The following PCDHA5 variants were observed in gnomAD, a reference collection of about 807,000 sequenced individuals.
PCDHA5 encodes protocadherin alpha-5.
In PCDHA5, 43 loss-of-function variants were observed where a neutral mutation model predicts 61.6. That is an observed-to-expected ratio of 0.70 (90% CI 0.55 to 0.90). The LOEUF (loss-of-function observed/expected upper bound fraction) is 0.90, where lower values mean the gene tolerates loss of function less well. Among genes scored for constraint, PCDHA5 ranks in the 40% least tolerant of loss-of-function variants. The pLI, the probability that PCDHA5 is intolerant of heterozygous loss-of-function variation, is 0.00. For missense variants in PCDHA5, 1,298 were observed against 1,222.7 expected (o/e 1.06, Z -0.92); for synonymous variants, 627 against 543.9 (o/e 1.15, Z -2.13).
chr5:140,869,318 G>A (rs1373742506), intron 1 of PCDHA5: 1 of 1,613,688 alleles, frequency 6.2e-7, no homozygotes, highest in South Asian at 1.1e-5. Flanking sequence ...AAAACACATG[G>A]GGACCTTCTG....
intron 1 of PCDHA5, among the ~76,000 whole-genome samples, chr5:140,900,051 C>G (rs1489382607): frequency 6.6e-6 from 1 of 152,168 alleles, no homozygotes; most frequent in African/African-American, 2.4e-5. Flanking sequence ...CTCAAGTGAT[C>G]CTTTAACCTC....
intron 1 of PCDHA5, chr5:140,877,134 C>G (rs1339173132): frequency 3.1e-6 from 5 of 1,613,594 alleles, no homozygotes; most frequent in African/African-American, 2.7e-5. Flanking sequence ...TGCAGGTGTT[C>G]GTGCTGGACG....
chr5:140,842,014 A>G (rs2150327358), intron 1 of PCDHA5: 1 of 1,613,836 alleles, frequency 6.2e-7, no homozygotes. Context: ...TGCTGGTCAC[A>G]GTGCTGGATG....
chr5:140,901,917 T>C (rs776284320), intron 1 of PCDHA5, among the ~76,000 whole-genome samples: 15 of 152,090 alleles, frequency 9.9e-5, no homozygotes, highest in Admixed American at 4.6e-4. Context: ...ATCTTTCACT[T>C]CTTTGGTTAA....
chr5:140,929,080 A>T, intron 1 of PCDHA5: 1 of 1,614,180 alleles, frequency 6.2e-7, no homozygotes, highest in Non-Finnish European at 8.5e-7. Flanking sequence ...GTATGGAAGT[A>T]AGATGGTTTC....
intron 3 of PCDHA5, among the ~76,000 whole-genome samples, chr5:141,000,419 A>G (rs1394449061): frequency 1.6e-5 from 1 of 61,008 alleles, no homozygotes; most frequent in African/African-American, 7.6e-5. Flanking sequence ...ATATATATAT[A>G]TATTTTTTTT....
Position 140,830,106 on chromosome 5 carries a change from G to A in PCDHA5, c.2352+5979G>A. The A allele has an allele frequency of 1.9e-6, 3 of 1,613,618 alleles. No individual in the cohort carries two copies. In the South Asian group the frequency reaches 3.3e-5, roughly 18 times the overall value. On this transcript the variant is annotated intron_variant, in intron 1 of 3. Transcript: ENST00000529859. ...ACGGTTCTGGTGTCGCTGGTGGAGAGTGGCCAGGCTCCAAAGGCGTCATCA... is the reference window on the plus strand; with the variant it reads ...ACGGTTCTGGTGTCGCTGGTGGAGAATGGCCAGGCTCCAAAGGCGTCATCA...
chr5:140,878,273 G>T (rs2057527007), intron 1 of PCDHA5, among the ~76,000 whole-genome samples: 1 of 152,096 alleles, frequency 6.6e-6, no homozygotes, highest in Non-Finnish European at 1.5e-5. Flanking sequence ...TTTTAAAATA[G>T]CCTTCTTGAT....
chr5:140,996,785 C>G (rs1423473534), intron 3 of PCDHA5, among the ~76,000 whole-genome samples: 2 of 152,148 alleles, frequency 1.3e-5, no homozygotes, highest in Admixed American at 6.5e-5. Context: ...TAGTGCCTCA[C>G]TCCCTACATC....
At chr5:140,844,541 T>C (rs1361373728) in intron 1 of PCDHA5, among the ~76,000 whole-genome samples, 3 of 149,594 alleles carry the variant, frequency 2.0e-5, no homozygotes, top group Non-Finnish European at 4.5e-5. Flanking sequence ...TTCAACCCTT[T>C]GTTCATGAGT....
rs201937079 is a variant in PCDHA5 at position 140,870,716 on chromosome 5, A to G, written c.2352+46589A>G. 15 of 1,613,024 alleles carry G rather than the reference A, an allele frequency of 9.3e-6. No individual in the cohort carries two copies. The highest frequency in any genetic ancestry group is 1.2e-5 in the Non-Finnish European group (14 of 1,179,860). On this transcript the variant is annotated intron_variant, in intron 1 of 3. Coordinates refer to ENST00000529859, the MANE Select transcript of PCDHA5 (RefSeq NM_018908.3). ...CTACAGTTCCAGGTGAGCGCGCGCG[A>G]TGCGGGCGTGCCGCCTCTGAGCAGC... is the stretch of plus-strand genomic sequence containing the variant.
At position 140,823,839 on chromosome 5, in the gene PCDHA5, C is replaced by A. The variant is rs2150129665; in HGVS notation, c.2064C>A (p.Pro688=). ...GGGCGTCGGCGGGCGCTGTGGGTCC[C>A]GAGGCTGCCCTGGTGGATGTCAACG... is the stretch of plus-strand genomic sequence containing the variant. ...SSRASAGAVG[P]EAALVDVNVY... Residue 688 remains proline (P), a synonymous_variant, in exon 1 of 4, where the codon CCC becomes CCA. Transcript: ENST00000529859. 1.2e-6 allele frequency: 2 copies of A among 1,613,784 alleles called. No individual in the cohort carries two copies. Among genetic ancestry groups the A allele is most frequent in the Non-Finnish European group, 1.7e-6 (2 of 1,179,906 alleles).
chr5:140,918,502 C>A (rs1480204800), intron 1 of PCDHA5, among the ~76,000 whole-genome samples: 1 of 152,040 alleles, frequency 6.6e-6, no homozygotes, highest in Non-Finnish European at 1.5e-5. Context: ...TGGTACCAAT[C>A]CTTTTAAACT....
At chr5:140,871,593 A>G in intron 1 of PCDHA5, 3 of 1,458,668 alleles carry the variant, frequency 2.1e-6, no homozygotes, top group South Asian at 1.5e-5. Context: ...TTTTATGAAT[A>G]ACCAGTGTTT....
chr5:140,827,973 TC>T, intron 1 of PCDHA5: 3 of 1,400,782 alleles, frequency 2.1e-6, no homozygotes, highest in Non-Finnish European at 2.9e-6. Flanking sequence ...ACTGCATCAT[TC>T]CCTGACTGTT....
intron 1 of PCDHA5, among the ~76,000 whole-genome samples, chr5:140,913,412 T>G (rs2076324998): frequency 6.6e-6 from 1 of 152,222 alleles, no homozygotes; most frequent in African/African-American, 2.4e-5. Context: ...TTTGAATTCC[T>G]GCAGTATCAG....
intron 1 of PCDHA5, among the ~76,000 whole-genome samples, chr5:140,972,533 T>C (rs2096540643): frequency 6.6e-6 from 1 of 152,134 alleles, no homozygotes; most frequent in African/African-American, 2.4e-5. Flanking sequence ...ATTTCATAAA[T>C]CACTTGTGCA....
chr5:140,876,493 C>T (rs1554168608), intron 1 of PCDHA5: 2 of 1,614,008 alleles, frequency 1.2e-6, no homozygotes, highest in Admixed American at 3.3e-5. Context: ...GGTGGAAGTT[C>T]TGGACGTGAA....
intron 1 of PCDHA5, among the ~76,000 whole-genome samples, chr5:140,932,168 A>G (rs1279324749): frequency 1.3e-5 from 2 of 151,944 alleles, no homozygotes; most frequent in African/African-American, 4.8e-5. Flanking sequence ...ACAATTAGAC[A>G]ATGTGTACCT....
Sources: allele counts gnomAD v4.1 joint callset (sites outside exome capture counted in the v4.1 genomes callset), GRCh38; gene constraint gnomAD v4.1.1; transcripts MANE v1.5; gene names NCBI Gene and HGNC (gene_info 2026-07-23, HGNC 2026-07-21).